The following NUDT8 variants were observed in gnomAD, a reference collection of about 807,000 sequenced individuals.
The protein encoded by NUDT8 is mitochondrial coenzyme A diphosphatase NUDT8.
A neutral mutation model predicts 12.5 loss-of-function variants in NUDT8; 14 were observed. The observed-to-expected ratio is 1.12, with a 90% CI of 0.74 to 1.75. The LOEUF (loss-of-function observed/expected upper bound fraction) is 1.75. Among genes scored for constraint, NUDT8 ranks in the 40% most tolerant of loss-of-function variants. The pLI is 0.00. For synonymous variants in NUDT8, 163 were observed against 156.2 expected (o/e 1.04, Z -0.33); for missense variants, 337 against 318.5 (o/e 1.06, Z -0.44).
rs1855151650 is a variant in NUDT8 at position 67,628,482 on chromosome 11, C to A, written c.328-82G>T. The A allele has an allele frequency of 6.6e-6, 8 of 1,217,620 alleles. No individual in the cohort carries two copies. In the South Asian group the frequency reaches 7.9e-5, roughly 12 times the overall value. The allele number at this position is 1,217,620 out of a possible 1,614,324, so 75.4% of individuals were successfully genotyped here. A position where few individuals can be genotyped will look rare whatever the true frequency, so the allele number is the denominator to read the frequency against. ...GGGAGGGGAGTGTGAGAGGAAGACC[C>A]CTTTGCCATGCATAGGCCTTTGGTA... is the stretch of plus-strand genomic sequence containing the variant. On this transcript the variant is annotated intron_variant, in intron 2 of 3. Transcript: ENST00000376693.
chr11:67,629,710 C>A lies in NUDT8; in HGVS notation c.194+8G>T. On this transcript the variant is annotated splice_region_variant and intron_variant, in intron 1 of 3. Coordinates refer to ENST00000376693, the MANE Select transcript of NUDT8 (RefSeq NM_001243750.2). ...CGGCAAAGGGCGAGGAGTTCCCGGC[C>A]GCTGTACCTGACGTCGCCCTTGTGC... The A allele has an allele frequency of 6.7e-7, 1 of 1,492,604 alleles. No homozygotes were observed. The highest frequency in any genetic ancestry group is 1.3e-5 in the South Asian group (1 of 79,520). The allele number at this position is 1,492,604 out of a possible 1,614,324, so 92.5% of individuals were successfully genotyped here.
At position 67,628,067 on chromosome 11, in the gene NUDT8, G is replaced by C. The variant is rs553226084; in HGVS notation, c.590C>G (p.Thr197Ser). Reference sequence around the variant, plus strand: ...CAGGCCGGCCAGGCGGGGCTGGTAGGTACCAGGTGCCAGCAGCTGCAGGGC... The same window carrying C: ...CAGGCCGGCCAGGCGGGGCTGGTAGCTACCAGGTGCCAGCAGCTGCAGGGC... Reference protein sequence around the residue: ...EFALQLLAPGTYQPRLAGLTC... With the variant: ...EFALQLLAPGSYQPRLAGLTC... The change falls in exon 4 of 4, where the codon ACC becomes AGC. Residue 197 changes from threonine to serine, a missense_variant. Coordinates refer to ENST00000376693, the MANE Select transcript of NUDT8 (RefSeq NM_001243750.2). The C allele has an allele frequency of 1.4e-4, 222 of 1,598,406 alleles. No individual in the cohort carries two copies. The African/African-American group carries it at 2.8e-3, about 20-fold the overall frequency.
Position 67,628,213 on chromosome 11 carries a change from C to T in NUDT8, c.444G>A (p.Leu148=). The T allele has an allele frequency of 6.2e-7, 1 of 1,612,386 alleles. No individual in the cohort carries two copies. The highest frequency in any genetic ancestry group is 8.5e-7 in the Non-Finnish European group (1 of 1,179,770). Residue 148 remains leucine, a synonymous_variant, in exon 4 of 4, where the codon CTG becomes CTA. Coordinates refer to ENST00000376693, the MANE Select transcript of NUDT8 (RefSeq NM_001243750.2). ...EVFALPLAHL[L]QTQNQGYTHF... ...GGGTATAGCCCTGATTCTGCGTCTG[C>T]AGCAGGTGGGCCAGCGGCAGTGCAA...
chr11:67,628,453 G>C (rs952793053), intron 2 of NUDT8, 53 bp from the exon 3 acceptor site: 12 of 1,506,548 alleles, frequency 8.0e-6, no homozygotes, highest in South Asian at 1.1e-5. Context: ...GGGTTTGAAG[G>C]CTGGGGAGGG....
chr11:67,628,555 C>T (rs571896507), intron 2 of NUDT8, among the ~76,000 whole-genome samples, 155 bp from the exon 3 acceptor site: 16 of 152,222 alleles, frequency 1.1e-4, no homozygotes, highest in Non-Finnish European at 2.2e-4. Flanking sequence ...TGCTGACTGA[C>T]TCAGGTCCCC....
intron 1 of NUDT8, 151 bp downstream of exon 1, chr11:67,629,567 T>C (rs1855174066): frequency 2.3e-6 from 1 of 425,796 alleles, no homozygotes; most frequent in South Asian, 5.6e-5. Flanking sequence ...GACCTCTCGC[T>C]GCAGCCCTTG....
At chr11:67,628,784 G>T in intron 2 of NUDT8, 135 bp downstream of exon 2, 2 of 1,145,360 alleles carry the variant, frequency 1.7e-6, no homozygotes, top group Non-Finnish European at 2.5e-6. Flanking sequence ...CATGTGACCA[G>T]GCAGGTTAGG....
chr11:67,629,248 G>A (rs2134095120), intron 1 of NUDT8, 197 bp from the exon 2 acceptor site: 1 of 574,472 alleles, frequency 1.7e-6, no homozygotes, highest in Non-Finnish European at 3.1e-6. Context: ...AGGAAGAGAG[G>A]CCCGGGACAG....
chr11:67,629,357 A>G (rs568966289), intron 1 of NUDT8: 3 of 420,274 alleles, frequency 7.1e-6, no homozygotes, highest in South Asian at 5.3e-5. Context: ...CATTGTCCTC[A>G]GGATGTTCTT....
chr11:67,628,790 T>G (rs1591119717), intron 2 of NUDT8, 129 bp downstream of exon 2: 2 of 1,221,852 alleles, frequency 1.6e-6, no homozygotes, highest in East Asian at 2.4e-5. Flanking sequence ...ACCAGGCAGG[T>G]TAGGGGCACC....
Position 67,628,986 on chromosome 11 carries a change from C to G in NUDT8, c.260G>C (p.Arg87Pro), listed in dbSNP as rs755392929. 1.9e-6 allele frequency: 3 copies of G among 1,612,942 alleles called. No homozygotes were observed. The Admixed American group carries it at 5.0e-5, about 27-fold the overall frequency. ...DVVHTALRET[R>P]EELGLAVPEE... Reference sequence around the variant, plus strand: ...GGGCACTGCCAGGCCCAGCTCCTCCCGGGTTTCCCGCAGGGCCGTGTGCAC... The same window carrying G: ...GGGCACTGCCAGGCCCAGCTCCTCCGGGGTTTCCCGCAGGGCCGTGTGCAC... The change falls in exon 2 of 4, where the codon CGG becomes CCG. Residue 87 changes from arginine (R) to proline (P), a missense_variant. Arg to Pro is a moderately radical substitution (Grantham distance 103). Coordinates refer to ENST00000376693, the MANE Select transcript of NUDT8 (RefSeq NM_001243750.2).
chr11:67,628,139 T>C lies in NUDT8; in HGVS notation c.518A>G (p.His173Arg), dbSNP rs1440638721. 1 of 1,600,570 alleles carries C rather than the reference T, an allele frequency of 6.2e-7. No homozygotes were observed. The highest frequency in any genetic ancestry group is 8.5e-7 in the Non-Finnish European group (1 of 1,179,820). Residue 173 changes from histidine (H) to arginine (R), a missense_variant, in exon 4 of 4, where the codon CAT (histidine) becomes CGT (arginine). Physicochemically the swap from His to Arg is conservative, Grantham distance 29. Transcript: ENST00000376693. ...GAGGCCCCAGACCCGGTGTGGTCCATGCAGGAAGACGGGTAGTGTGTAGCG... is the reference window on the plus strand; with the variant it reads ...GAGGCCCCAGACCCGGTGTGGTCCACGCAGGAAGACGGGTAGTGTGTAGCG... ...HFRYTLPVFL[H>R]GPHRVWGLTA... is the part of the protein sequence containing the mutation.
Position 67,628,907 on chromosome 11 carries a change from C to T in NUDT8, c.327+12G>A, listed in dbSNP as rs756540493. On this transcript the variant is annotated intron_variant, in intron 2 of 3. Coordinates refer to ENST00000376693, the MANE Select transcript of NUDT8 (RefSeq NM_001243750.2). Reference sequence around the variant, plus strand: ...GTGAATGGGGTGGGGTGGCCTCAGCCAAGTGGCTTACCGGATCATACACAG... The same window carrying T: ...GTGAATGGGGTGGGGTGGCCTCAGCTAAGTGGCTTACCGGATCATACACAG... The T allele has an allele frequency of 2.9e-5, 46 of 1,598,334 alleles. No homozygotes were observed. Among genetic ancestry groups the T allele is most frequent in the African/African-American group, 6.7e-5 (5 of 74,640 alleles).
rs768197321 is a variant in NUDT8, at chr11:67,628,411, G to C, written c.328-11C>G. The C allele has an allele frequency of 8.7e-6, 14 of 1,612,386 alleles. No homozygotes were observed. The highest frequency in any genetic ancestry group is 1.3e-5 in the African/African-American group (1 of 74,898). ...CACGGTGGCCTTTTGCTGGGGAAGA[G>C]GGCAGGTGGTCAGGGAAGCATGGCC... is the stretch of plus-strand genomic sequence containing the variant. On this transcript the variant is annotated splice_polypyrimidine_tract_variant and intron_variant, in intron 2 of 3. Transcript: ENST00000376693.
At chr11:67,629,176 G>A (rs1855164780) in intron 1 of NUDT8, 125 bp from the exon 2 acceptor site, 3 of 1,050,790 alleles carry the variant, frequency 2.9e-6, no homozygotes, top group East Asian at 5.2e-5. Context: ...AGTTTACTGG[G>A]AGGCCCCAGG....
chr11:67,629,754 G>A lies in NUDT8; in HGVS notation c.158C>T (p.Ser53Phe). 5 of 1,544,970 alleles carry A rather than the reference G, an allele frequency of 3.2e-6. No individual in the cohort carries two copies. Among genetic ancestry groups the A allele is most frequent in the Non-Finnish European group, 4.3e-6 (5 of 1,152,696 alleles). The change falls in exon 1 of 4, where the codon TCC becomes TTC. Residue 53 changes from serine to phenylalanine, a missense_variant. Ser to Phe is a radical substitution (Grantham distance 155). Coordinates refer to ENST00000376693, the MANE Select transcript of NUDT8 (RefSeq NM_001243750.2). ...GVPALLYTLR[S>F]SRLTGRHKGD... Reference sequence around the variant, plus strand: ...CTTGTGCCTCCCGGTCAGGCGGCTGGACCGCAGCGTGTACAGCAGCGCCGG... The same window carrying A: ...CTTGTGCCTCCCGGTCAGGCGGCTGAACCGCAGCGTGTACAGCAGCGCCGG...
rs200525526 is a variant in NUDT8, at chr11:67,629,735, C to T, written c.177G>A (p.Arg59=). Residue 59 remains arginine (R), a synonymous_variant, in exon 1 of 4, where the codon AGG becomes AGA. Transcript: ENST00000376693. The stretch of plus-strand genomic sequence containing the variant: ...CGCTGTACCTGACGTCGCCCTTGTG[C>T]CTCCCGGTCAGGCGGCTGGACCGCA... ...YTLRSSRLTG[R]HKGDVSFPGG... The T allele has an allele frequency of 3.9e-6, 6 of 1,537,410 alleles. No individual in the cohort carries two copies. In the African/African-American group the frequency reaches 5.7e-5, roughly 15 times the overall value.
At position 67,629,872 on chromosome 11, in the gene NUDT8, A is replaced by G; in HGVS notation, c.40T>C (p.Cys14Arg). ...GTGGCCCCTGCCAGCAGCCGGCGGC[A>G]GCGCAGCTCGCCCTCGGCCGACAGG... ...DCLSAEGELR[C>R]RRLLAGATAR... The change falls in exon 1 of 4, where the codon TGC (cysteine) becomes CGC (arginine). Residue 14 changes from cysteine (C) to arginine (R), a missense_variant. Coordinates refer to ENST00000376693, the MANE Select transcript of NUDT8 (RefSeq NM_001243750.2). The G allele has an allele frequency of 8.0e-7, 1 of 1,249,472 alleles. No homozygotes were observed. Among genetic ancestry groups the G allele is most frequent in the Non-Finnish European group, 1.0e-6 (1 of 1,003,412 alleles). The allele number at this position is 1,249,472 out of a possible 1,614,324, so 77.4% of individuals were successfully genotyped here. A position where few individuals can be genotyped will look rare whatever the true frequency, so the allele number is the denominator to read the frequency against.
Position 67,627,971 on chromosome 11 carries a change from G to A in NUDT8, c.686C>T (p.Thr229Ile). 1 of 1,594,270 alleles carries A rather than the reference G, an allele frequency of 6.3e-7. No individual in the cohort carries two copies. The highest frequency in any genetic ancestry group is 8.5e-7 in the Non-Finnish European group (1 of 1,177,138). Residue 229 changes from threonine to isoleucine, a missense_variant, in exon 4 of 4, where the codon ACT (threonine) becomes ATT (isoleucine). Thr to Ile is a moderately conservative substitution (Grantham distance 89). Coordinates refer to ENST00000376693, the MANE Select transcript of NUDT8 (RefSeq NM_001243750.2). Reference protein sequence around the residue: ...PLASPCQASSTPGLNKGL With the variant: ...PLASPCQASSIPGLNKGL Reference sequence around the variant, plus strand: ...TCAAAGACCTTTATTCAGTCCTGGAGTGGAGCTGGCCTGACAGGGTGAAGC... The same window carrying A: ...TCAAAGACCTTTATTCAGTCCTGGAATGGAGCTGGCCTGACAGGGTGAAGC...
Sources: gnomAD v4.1 joint callset for allele counts (sites outside exome capture counted in the v4.1 genomes callset) on GRCh38, gnomAD v4.1.1 for gene constraint, MANE v1.5 for transcripts, NCBI Gene and HGNC (gene_info 2026-07-23, HGNC 2026-07-21) for gene names.